The following OCEL1 variants were observed in gnomAD, a reference collection of about 807,000 sequenced individuals.
OCEL1 encodes occludin/ELL domain-containing protein 1.
Under a neutral mutation model 29.4 loss-of-function variants are expected in OCEL1, and 24 were observed. That is an observed-to-expected ratio of 0.82 (90% confidence interval 0.59 to 1.15). The LOEUF (loss-of-function observed/expected upper bound fraction) is 1.15, where lower values mean the gene tolerates loss of function less well. Ranked by LOEUF, OCEL1 falls within the 50% of genes most tolerant of loss-of-function variation. The pLI, the probability that OCEL1 is intolerant of heterozygous loss-of-function variation, is 0.00. For missense variants in OCEL1, 402 were observed against 352.5 expected (o/e 1.14, Z -1.13); for synonymous variants, 172 against 145.3 (o/e 1.18, Z -1.32).
At chr19:17,226,926 C>A (rs1599446830) in intron 2 of OCEL1, 57 bp downstream of exon 2, 2 of 1,521,218 alleles carry the variant, frequency 1.3e-6, no homozygotes, top group Non-Finnish European at 1.8e-6. Context: ...AGATTTAGCC[C>A]CTCCAGTTTG....
At position 17,226,338 on chromosome 19, in the gene OCEL1, C is replaced by T. The variant is rs1280544278; in HGVS notation, c.69+22C>T. On this transcript the variant is annotated intron_variant, in intron 1 of 5. Coordinates refer to ENST00000215061, the MANE Select transcript of OCEL1 (RefSeq NM_024578.3). ...ACAGGTGACCCGGGGCGGTAGCGAG[C>T]CGGACGGCCTTGCAGGTGGGGCGGA... 3.1e-6 allele frequency: 5 copies of T among 1,607,266 alleles called. No individual in the cohort carries two copies. The African/African-American group carries it at 6.7e-5, about 21-fold the overall frequency.
Position 17,226,594 on chromosome 19 carries a change from C to A in OCEL1, c.70-99C>A, listed in dbSNP as rs987792814. Reference sequence around the variant, plus strand: ...AGCGGTCGTTCTGGGGAACTCTGCTCCCGCGGGGTGAGAGTTGGCCGCTCT... The same window carrying A: ...AGCGGTCGTTCTGGGGAACTCTGCTACCGCGGGGTGAGAGTTGGCCGCTCT... On this transcript the variant is annotated intron_variant, in intron 1 of 5. Coordinates refer to ENST00000215061, the MANE Select transcript of OCEL1 (RefSeq NM_024578.3). 4.6e-6 allele frequency: 6 copies of A among 1,292,456 alleles called. No individual in the cohort carries two copies. In the African/African-American group the frequency reaches 9.1e-5, roughly 20 times the overall value. 80.1% of individuals were successfully genotyped at this position (1,292,456 alleles called of 1,614,324 possible).
rs373463724 is a variant in OCEL1 at position 17,228,305 on chromosome 19, G to A, written c.668G>A (p.Arg223Gln). 1.4e-4 allele frequency: 224 copies of A among 1,613,922 alleles called. No individual in the cohort carries two copies. Among genetic ancestry groups the A allele is most frequent in the South Asian group, 2.0e-4 (18 of 91,070 alleles). Residue 223 changes from arginine (R) to glutamine (Q), a missense_variant, in exon 5 of 6, where the codon CGA (arginine) becomes CAA (glutamine). Physicochemically the swap from Arg to Gln is conservative, Grantham distance 43. Transcript: ENST00000215061. ...GTTTGGAGGGAGTTTGAGATGAAGCGAATGGTGAGTCTTGCATCCCACAGC... is the reference window on the plus strand; with the variant it reads ...GTTTGGAGGGAGTTTGAGATGAAGCAAATGGTGAGTCTTGCATCCCACAGC... ...ARVWREFEMKRMDPGFLDKQA... is the reference protein window; with the variant it reads ...ARVWREFEMKQMDPGFLDKQA...
At chr19:17,226,656 G>T in intron 1 of OCEL1, 37 bp from the exon 2 acceptor site, 16 of 1,430,426 alleles carry the variant, frequency 1.1e-5, no homozygotes, top group Non-Finnish European at 1.5e-5. Flanking sequence ...CTCCGTGCGC[G>T]TCGTCAGGCG....
At chr19:17,226,639 G>C in intron 1 of OCEL1, 54 bp from the exon 2 acceptor site, 2 of 1,417,124 alleles carry the variant, frequency 1.4e-6, no homozygotes, top group Non-Finnish European at 1.8e-6. Context: ...CTGCCCGCGC[G>C]TCCTTTCTCC....
chr19:17,227,777 C>G, intron 3 of OCEL1, 63 bp from the exon 4 acceptor site: 1 of 1,560,096 alleles, frequency 6.4e-7, no homozygotes. Flanking sequence ...AAGCAAATTA[C>G]ACTGACTGGG....
Position 17,228,310 on chromosome 19 carries a change from G to A in OCEL1, c.672+1G>A. On this transcript the variant is annotated splice_donor_variant, in intron 5 of 5. Coordinates refer to ENST00000215061, the MANE Select transcript of OCEL1 (RefSeq NM_024578.3). LOFTEE classifies it high-confidence loss of function. ...GAGGGAGTTTGAGATGAAGCGAATG[G>A]TGAGTCTTGCATCCCACAGCTTGGT... 1 of 1,614,034 alleles carries A rather than the reference G, an allele frequency of 6.2e-7. No homozygotes were observed. The highest frequency in any genetic ancestry group is 1.3e-5 in the African/African-American group (1 of 75,022).
At chr19:17,228,760 A>G (rs1301878514) in intron 5 of OCEL1, 43 bp from the exon 6 acceptor site, 2 of 1,600,282 alleles carry the variant, frequency 1.2e-6, no homozygotes, top group Non-Finnish European at 1.7e-6. Context: ...TGAAGGCCAC[A>G]GGGCAGACTG....
chr19:17,228,306 A>C lies in OCEL1; in HGVS notation c.669A>C (p.Arg223=), dbSNP rs2073381110. 1 of 1,613,854 alleles carries C rather than the reference A, an allele frequency of 6.2e-7. No individual in the cohort carries two copies. The highest frequency in any genetic ancestry group is 8.5e-7 in the Non-Finnish European group (1 of 1,179,968). Residue 223 remains arginine, a synonymous_variant, in exon 5 of 6, where the codon CGA becomes CGC. Transcript: ENST00000215061. ...TTTGGAGGGAGTTTGAGATGAAGCG[A>C]ATGGTGAGTCTTGCATCCCACAGCT... ...ARVWREFEMK[R]MDPGFLDKQA...
chr19:17,227,809 A>G (rs1262771464), intron 3 of OCEL1, 31 bp from the exon 4 acceptor site: 2 of 1,604,058 alleles, frequency 1.2e-6, no homozygotes, highest in African/African-American at 1.3e-5. Flanking sequence ...GGTTCTTTAC[A>G]CTCACACTCT....
chr19:17,226,463 C>T, intron 1 of OCEL1, 147 bp downstream of exon 1: 1 of 1,039,048 alleles, frequency 9.6e-7, no homozygotes, highest in South Asian at 1.6e-5. Context: ...CGGTCCCAGG[C>T]TGCGCGGCGA....
rs1230353396 is a variant in OCEL1 at position 17,228,136 on chromosome 19, G to A, written c.619-120G>A. The A allele has an allele frequency of 3.9e-6, 6 of 1,525,916 alleles. No homozygotes were observed. In the African/African-American group the frequency reaches 6.9e-5, roughly 18 times the overall value. The allele number at this position is 1,525,916 out of a possible 1,614,324, so 94.5% of individuals were successfully genotyped here. A position where few individuals can be genotyped will look rare whatever the true frequency, so the allele number is the denominator to read the frequency against. ...GGTTGGCTGGGCGCCGTGACACATG[G>A]CTAAGGTCAGCCCTTGAAGTCCCCA... On this transcript the variant is annotated intron_variant, in intron 4 of 5. Coordinates refer to ENST00000215061, the MANE Select transcript of OCEL1 (RefSeq NM_024578.3).
chr19:17,228,330 C>G (rs1227049520), intron 5 of OCEL1, 21 bp downstream of exon 5: 11 of 1,613,576 alleles, frequency 6.8e-6, no homozygotes, highest in Non-Finnish European at 9.3e-6. Flanking sequence ...CATCCCACAG[C>G]TTGGTCTTGC....
At position 17,227,213 on chromosome 19, in the gene OCEL1, A is replaced by G. The variant is rs766782815; in HGVS notation, c.452+14A>G. ...CGACTATGAGCTGTGAGTGTCCCCCATGTGATTCTTCATGCCTGGGATCAG... is the reference window on the plus strand; with the variant it reads ...CGACTATGAGCTGTGAGTGTCCCCCGTGTGATTCTTCATGCCTGGGATCAG... On this transcript the variant is annotated intron_variant, in intron 3 of 5. Transcript: ENST00000215061. 1 of 1,470,328 alleles carries G rather than the reference A, an allele frequency of 6.8e-7. No individual in the cohort carries two copies. Among genetic ancestry groups the G allele is most frequent in the Non-Finnish European group, 9.0e-7 (1 of 1,112,902 alleles). 91.1% of individuals were successfully genotyped at this position (1,470,328 alleles called of 1,614,324 possible).
rs2073369686 is a variant in OCEL1 at position 17,227,120 on chromosome 19, C to T, written c.373C>T (p.Leu125Phe). 5 of 1,602,504 alleles carry T rather than the reference C, an allele frequency of 3.1e-6. No homozygotes were observed. Among genetic ancestry groups the T allele is most frequent in the Non-Finnish European group, 4.2e-6 (5 of 1,177,248 alleles). Residue 125 changes from leucine to phenylalanine, a missense_variant, in exon 3 of 6, where the codon CTC (leucine) becomes TTC (phenylalanine). By Grantham distance (22) the Leu-to-Phe change is conservative. Coordinates refer to ENST00000215061, the MANE Select transcript of OCEL1 (RefSeq NM_024578.3). ...TGAGGATGAGTTGCTCTCCCAGGCC[C>T]TCCTGGGCGCCAAGAAGCCTATTGG... ...VFEDELLSQALLGAKKPIGAI... is the reference protein window; with the variant it reads ...VFEDELLSQAFLGAKKPIGAI...
chr19:17,227,044 G>A lies in OCEL1; in HGVS notation c.297G>A (p.Pro99=), dbSNP rs755035408. 8 of 1,607,750 alleles carry A rather than the reference G, an allele frequency of 5.0e-6. No individual in the cohort carries two copies. In the Admixed American group the frequency reaches 8.7e-5, roughly 17 times the overall value. Residue 99 remains proline (P), a synonymous_variant, in exon 3 of 6, where the codon CCG becomes CCA. Transcript: ENST00000215061. ...RGLKTSAPRP[P]CQPQPGPHKA... is the part of the protein sequence containing the mutation. ...TCAAAACCAGCGCCCCCCGCCCTCC[G>A]TGCCAGCCCCAGCCGGGACCCCACA...
In OCEL1 at chr19:17,228,818, G is replaced by A. The variant is rs1257236067; in HGVS notation, c.688G>A (p.Asp230Asn). 5 of 1,613,432 alleles carry A rather than the reference G, an allele frequency of 3.1e-6. No individual in the cohort carries two copies. Among genetic ancestry groups the A allele is most frequent in the Admixed American group, 3.3e-5 (2 of 60,016 alleles). The part of the protein sequence containing the change: ...EMKRMDPGFL[D>N]KQARCHYLKG... ...CCCTGCCTAGGATCCTGGCTTCCTG[G>A]ACAAGCAGGCTCGCTGCCACTACCT... is the stretch of plus-strand genomic sequence containing the variant. The change falls in exon 6 of 6, where the codon GAC becomes AAC. Residue 230 changes from aspartate (D) to asparagine (N), a missense_variant. Transcript: ENST00000215061.
rs762583396 is a variant in OCEL1, at chr19:17,228,789, C to G, written c.673-14C>G. ...CAGACTGCTGCAAAGACTTCCGGGT[C>G]TCGCCCTGCCTAGGATCCTGGCTTC... On this transcript the variant is annotated splice_polypyrimidine_tract_variant and intron_variant, in intron 5 of 5. Coordinates refer to ENST00000215061, the MANE Select transcript of OCEL1 (RefSeq NM_024578.3). The G allele has an allele frequency of 1.9e-6, 3 of 1,611,362 alleles. No individual in the cohort carries two copies. Among genetic ancestry groups the G allele is most frequent in the Non-Finnish European group, 2.5e-6 (3 of 1,179,400 alleles).
intron 4 of OCEL1, 69 bp downstream of exon 4, chr19:17,228,074 C>T: frequency 6.4e-7 from 1 of 1,571,432 alleles, no homozygotes. Flanking sequence ...TCTGGGACAC[C>T]CACTGGGTCC....
Sources: gnomAD v4.1 joint callset for allele counts on GRCh38, gnomAD v4.1.1 for gene constraint, MANE v1.5 for transcripts, NCBI Gene and HGNC (gene_info 2026-07-23, HGNC 2026-07-21) for gene names.